Variants in AFF1 observed in about 807,000 individuals in gnomAD.
AFF1 encodes the protein ALF transcription elongation factor 1.
AFF1 carries 48 observed loss-of-function variants against 121.7 expected under a neutral mutation model. The ratio of observed to expected loss-of-function variants is 0.39; its 90% CI spans 0.31 to 0.50. The LOEUF (loss-of-function observed/expected upper bound fraction) is 0.50. AFF1 is among the 20% of genes least tolerant of loss of function. The pLI, the probability that AFF1 is intolerant of heterozygous loss-of-function variation, is 0.76. For missense variants in AFF1, 1,523 were observed against 1,511.7 expected (o/e 1.01, Z -0.12); for synonymous variants, 613 against 563.0 (o/e 1.09, Z -1.26).
rs59568294 is a variant in AFF1, at chr4:86,982,848, C to CAAAAAAA, written c.38+34298_38+34304dup. On this transcript the variant is annotated intron_variant, in intron 2 of 20. Transcript: ENST00000395146. ...GGGCGACAGAGTAAGACTCTGTCTCCAAAAAAAAAAAAAAAAAAAAAAAAA... is the reference window on the plus strand; with the variant it reads ...GGGCGACAGAGTAAGACTCTGTCTCCAAAAAAAAAAAAAAAAAAAAAAAAAAAAAAAA... Among the ~76,000 whole-genome samples the CAAAAAAA allele has an allele frequency of 1.5e-3, 82 of 53,802 alleles. 1 individual carries two copies. Among genetic ancestry groups the CAAAAAAA allele is most frequent in the African/African-American group, 5.4e-3 (79 of 14,712 alleles). 35.3% of individuals were successfully genotyped at this position (53,802 alleles called of 152,430 possible). A position where few individuals can be genotyped will look rare whatever the true frequency, so the allele number is the denominator to read the frequency against.
chr4:86,935,520 C>T (rs1021674260), intron 1 of AFF1: 4 of 152,438 alleles, frequency 2.6e-5, no homozygotes, highest in Non-Finnish European at 5.9e-5. Context: ...TCCTCCCTCA[C>T]GCGCAGCCCC....
At chr4:86,985,904 CCT>C (rs1724220968) in intron 2 of AFF1, among the ~76,000 whole-genome samples, 1 of 141,232 alleles carries the variant, frequency 7.1e-6, no homozygotes. Flanking sequence ...CATTTTGCAT[CCT>C]CTCTCTGAAT....
chr4:87,047,803 G>A lies in AFF1; in HGVS notation c.1059+209G>A, dbSNP rs538936095. On this transcript the variant is annotated intron_variant, in intron 4 of 20. Transcript: ENST00000395146. Reference sequence around the variant, plus strand: ...TATAGATATTGAAATGCAGTTTGCAGAAAGGTTTAGAGAACCTTTTTATGG... The same window carrying A: ...TATAGATATTGAAATGCAGTTTGCAAAAAGGTTTAGAGAACCTTTTTATGG... 8 of 729,246 alleles carry A rather than the reference G, an allele frequency of 1.1e-5. No individual in the cohort carries two copies. The East Asian group carries it at 1.8e-4, about 16-fold the overall frequency. The allele number at this position is 729,246 out of a possible 1,614,324, so 45.2% of individuals were successfully genotyped here.
At chr4:87,033,602 G>C (rs193193348) in intron 2 of AFF1, among the ~76,000 whole-genome samples, 19 of 152,312 alleles carry the variant, frequency 1.2e-4, no homozygotes, top group African/African-American at 4.6e-4. Context: ...GTAGAAGTTA[G>C]TTGTTTCTTA....
chr4:87,105,488 G>T, intron 8 of AFF1, 140 bp from the exon 9 acceptor site: 1 of 817,746 alleles, frequency 1.2e-6, no homozygotes, highest in Admixed American at 2.6e-5. Flanking sequence ...TTTTCAGGAA[G>T]TCACAGCCTT....
chr4:87,050,740 A>G (rs1418977210), intron 4 of AFF1, among the ~76,000 whole-genome samples: 1 of 152,210 alleles, frequency 6.6e-6, no homozygotes, highest in Non-Finnish European at 1.5e-5. Flanking sequence ...GAAGATGTCT[A>G]GCAGTGTGAA....
At chr4:86,978,172 A>G (rs993390870) in intron 2 of AFF1, among the ~76,000 whole-genome samples, 2 of 50,760 alleles carry the variant, frequency 3.9e-5, no homozygotes, top group Admixed American at 2.5e-4. Context: ...TTCTCATTAC[A>G]TTCACTTTTT....
At chr4:87,051,521 C>T (rs938497705) in intron 4 of AFF1, among the ~76,000 whole-genome samples, 4 of 151,358 alleles carry the variant, frequency 2.6e-5, no homozygotes, top group Non-Finnish European at 5.9e-5. Context: ...AGTGCAATGG[C>T]GCAATCTTGG....
In AFF1 at chr4:87,135,908, C is replaced by A; in HGVS notation, c.*207C>A. 3 of 767,870 alleles carry A rather than the reference C, an allele frequency of 3.9e-6. No homozygotes were observed. Among genetic ancestry groups the A allele is most frequent in the South Asian group, 4.3e-5 (1 of 23,194 alleles). The allele number at this position is 767,870 out of a possible 1,614,324, so 47.6% of individuals were successfully genotyped here. ...TTATGCAGAAGCAGAGATGAGGAGG[C>A]TGGCCCCAGAGATGATCTTGCCCTT... On this transcript the variant is annotated 3_prime_UTR_variant, in exon 21 of 21. Coordinates refer to ENST00000395146, the MANE Select transcript of AFF1 (RefSeq NM_001166693.3).
Position 87,047,221 on chromosome 4 carries a change from C to T in AFF1, c.686C>T (p.Pro229Leu). 6.2e-7 allele frequency: 1 copy of T among 1,614,174 alleles called. No individual in the cohort carries two copies. The highest frequency in any genetic ancestry group is 8.5e-7 in the Non-Finnish European group (1 of 1,180,046). ...SPIHSNQQTL[P>L]RTQGSSKVHG... Reference sequence around the variant, plus strand: ...ATACATTCCAACCAGCAAACTCTTCCCCGGACGCAAGGAAGCAGCAAGGTT... The same window carrying T: ...ATACATTCCAACCAGCAAACTCTTCTCCGGACGCAAGGAAGCAGCAAGGTT... The change falls in exon 4 of 21, where the codon CCC (proline) becomes CTC (leucine). Residue 229 changes from proline (P) to leucine (L), a missense_variant. Transcript: ENST00000395146.
chr4:87,039,961 G>C (rs1729957579), intron 2 of AFF1, among the ~76,000 whole-genome samples: 1 of 152,074 alleles, frequency 6.6e-6, no homozygotes, highest in Non-Finnish European at 1.5e-5. Context: ...AAGTGCAGTG[G>C]CGCGATCTCG....
At chr4:87,007,312 C>G in intron 2 of AFF1, 2 of 1,591,088 alleles carry the variant, frequency 1.3e-6, no homozygotes, top group African/African-American at 2.7e-5. Flanking sequence ...CGCGTCCCCG[C>G]CCGGCTCCGC....
intron 2 of AFF1, among the ~76,000 whole-genome samples, chr4:86,983,429 G>A (rs2149493256): frequency 1.3e-5 from 2 of 152,240 alleles, no homozygotes; most frequent in South Asian, 4.1e-4. Context: ...AGGAGGCTGA[G>A]GCAGGAGAAT....
At chr4:86,986,605 A>G (rs912884817) in intron 2 of AFF1, among the ~76,000 whole-genome samples, 1 of 152,074 alleles carries the variant, frequency 6.6e-6, no homozygotes, top group Non-Finnish European at 1.5e-5. Context: ...AGAAAAAAAA[A>G]ATTGTTTTTC....
At chr4:87,110,538 G>T (rs1209579758) in intron 11 of AFF1, among the ~76,000 whole-genome samples, 2 of 149,528 alleles carry the variant, frequency 1.3e-5, no homozygotes, top group African/African-American at 2.5e-5. Context: ...CAATCCTCTG[G>T]TAACCATCCT....
At chr4:86,980,221 T>G (rs1309368285) in intron 2 of AFF1, among the ~76,000 whole-genome samples, 1 of 152,204 alleles carries the variant, frequency 6.6e-6, no homozygotes. Flanking sequence ...CCTAGGAATC[T>G]AACTCTAAGA....
At chr4:87,049,839 C>T in intron 4 of AFF1, 1 of 433,260 alleles carries the variant, frequency 2.3e-6, no homozygotes, top group Non-Finnish European at 4.7e-6. Context: ...AAATTAGGAG[C>T]CAAGAGCATG....
At chr4:87,107,432 T>G (rs1324765801) in intron 10 of AFF1, among the ~76,000 whole-genome samples, 1 of 152,224 alleles carries the variant, frequency 6.6e-6, no homozygotes, top group Non-Finnish European at 1.5e-5. Flanking sequence ...GAGTAGATAA[T>G]CTCTACTTTG....
intron 2 of AFF1, among the ~76,000 whole-genome samples, chr4:86,964,262 T>G (rs892241965): frequency 2.6e-5 from 4 of 151,444 alleles, no homozygotes; most frequent in Admixed American, 2.6e-4. Context: ...TAGCTGGGAT[T>G]GCAGGTGCGC....
Sources: gnomAD v4.1 joint callset for allele counts (sites outside exome capture counted in the v4.1 genomes callset) on GRCh38, gnomAD v4.1.1 for gene constraint, MANE v1.5 for transcripts, NCBI Gene and HGNC (gene_info 2026-07-23, HGNC 2026-07-21) for gene names.